Variants in ARFGEF1 observed in about 807,000 individuals in gnomAD.
ARFGEF1 encodes brefeldin A-inhibited guanine nucleotide-exchange protein 1.
In ARFGEF1, 42 loss-of-function variants were observed where a neutral mutation model predicts 231.0. The ratio of observed to expected loss-of-function variants is 0.18; its 90% CI spans 0.14 to 0.24. The LOEUF (loss-of-function observed/expected upper bound fraction) is 0.24, where lower values mean the gene tolerates loss of function less well. Among genes scored for constraint, ARFGEF1 ranks in the 10% least tolerant of loss-of-function variants. The pLI is 1.00. For missense variants in ARFGEF1, 1,345 were observed against 2,192.0 expected, an observed-to-expected ratio of 0.61 and a Z score of 7.72; for synonymous variants, 710 against 732.3, an observed-to-expected ratio of 0.97 and a Z score of 0.49.
chr8:67,276,235 C>G, intron 8 of ARFGEF1, 126 bp from the exon 9 acceptor site: 1 of 1,000,286 alleles, frequency 1.0e-6, no homozygotes, highest in Non-Finnish European at 1.5e-6. Flanking sequence ...GAAGGGGAAC[C>G]AGATGAGGGA....
At chr8:67,261,830 C>CT (rs34170422) in intron 14 of ARFGEF1, among the ~76,000 whole-genome samples, 8,734 of 117,934 alleles carry the variant, frequency 0.074, 513 homozygotes, top group African/African-American at 0.17. Context: ...AATTTCAAGT[C>CT]TTTTTTTTTT....
At chr8:67,241,415 A>T (rs1218410267) in intron 19 of ARFGEF1, among the ~76,000 whole-genome samples, 4 of 152,194 alleles carry the variant, frequency 2.6e-5, no homozygotes, top group Admixed American at 2.6e-4. Context: ...CAGTGTATCT[A>T]TTTGGAAGCC....
Position 67,343,460 on chromosome 8 carries a change from C to A in ARFGEF1, c.-173G>T. On this transcript the variant is annotated 5_prime_UTR_variant, in exon 1 of 39. Coordinates refer to ENST00000262215, the MANE Select transcript of ARFGEF1 (RefSeq NM_006421.5). ...AGGGGCGGGCGAGCGGGACCAGCCG[C>A]GGTGTCGGCGAAGGGCGTCGAGGTC... The A allele has an allele frequency of 7.4e-7, 1 of 1,342,914 alleles. No individual in the cohort carries two copies. 83.2% of individuals were successfully genotyped at this position (1,342,914 alleles called of 1,614,324 possible). A position where few individuals can be genotyped will look rare whatever the true frequency, so the allele number is the denominator to read the frequency against.
At chr8:67,317,348 A>G (rs1367672543) in intron 1 of ARFGEF1, among the ~76,000 whole-genome samples, 1 of 152,182 alleles carries the variant, frequency 6.6e-6, no homozygotes, top group Non-Finnish European at 1.5e-5. Context: ...CTCAAGCATT[A>G]GCTGGTATCT....
chr8:67,238,044 C>A (rs1461465383), intron 22 of ARFGEF1, among the ~76,000 whole-genome samples: 1 of 152,152 alleles, frequency 6.6e-6, no homozygotes, highest in South Asian at 2.1e-4. Context: ...CAACTATTAC[C>A]TGATACCAGC....
At chr8:67,276,503 C>A (rs1443194344) in intron 8 of ARFGEF1, among the ~76,000 whole-genome samples, 1 of 151,902 alleles carries the variant, frequency 6.6e-6, no homozygotes, top group African/African-American at 2.4e-5. Context: ...TTCTCTCACT[C>A]TGGGCAAATA....
chr8:67,265,897 G>T, intron 14 of ARFGEF1, 109 bp downstream of exon 14: 1 of 978,636 alleles, frequency 1.0e-6, no homozygotes, highest in Non-Finnish European at 1.5e-6. Flanking sequence ...AGATCCATGA[G>T]AACTATCCTC....
chr8:67,232,712 C>T (rs1203062422), intron 23 of ARFGEF1, 143 bp downstream of exon 23: 1 of 601,602 alleles, frequency 1.7e-6, no homozygotes, highest in African/African-American at 1.9e-5. Context: ...ACTTCATCAT[C>T]TAAATCACAG....
intron 33 of ARFGEF1, among the ~76,000 whole-genome samples, chr8:67,212,362 C>T (rs1430767457): frequency 1.3e-5 from 2 of 152,150 alleles, no homozygotes; most frequent in Non-Finnish European, 2.9e-5. Flanking sequence ...GGATTACAGG[C>T]GTGAGCCACC....
At chr8:67,284,071 A>G (rs897757767) in intron 7 of ARFGEF1, among the ~76,000 whole-genome samples, 2 of 152,238 alleles carry the variant, frequency 1.3e-5, no homozygotes, top group Non-Finnish European at 2.9e-5. Context: ...AAAACACTGG[A>G]AACAACGTAA....
At chr8:67,192,692 G>C (rs1202421894), downstream of ARFGEF1, among the ~76,000 whole-genome samples, 1 of 151,804 alleles carries the variant, frequency 6.6e-6, no homozygotes, top group Non-Finnish European at 1.5e-5. Flanking sequence ...TGCACAGGGT[G>C]TGAGGTGCAG....
chr8:67,278,168 C>T (rs1053690092), intron 7 of ARFGEF1, among the ~76,000 whole-genome samples: 2 of 152,074 alleles, frequency 1.3e-5, no homozygotes, highest in Non-Finnish European at 2.9e-5. Flanking sequence ...GAAACTCTTC[C>T]ATGCTACCAA....
At chr8:67,195,828 G>A (rs560368757), downstream of ARFGEF1, 12 of 476,010 alleles carry the variant, frequency 2.5e-5, no homozygotes, top group East Asian at 4.5e-4. Context: ...ATAAATTAGG[G>A]TGGTAATGAA....
chr8:67,292,851 C>G (rs1001633244), intron 5 of ARFGEF1, among the ~76,000 whole-genome samples: 2 of 151,980 alleles, frequency 1.3e-5, no homozygotes, highest in Non-Finnish European at 2.9e-5. Flanking sequence ...ATGAGTCTCA[C>G]AGAATTAATT....
At chr8:67,302,291 C>T (rs1289562760) in intron 2 of ARFGEF1, 145 bp downstream of exon 2, 1 of 421,598 alleles carries the variant, frequency 2.4e-6, no homozygotes, top group Non-Finnish European at 4.2e-6. Context: ...AATTGTATTT[C>T]TTAAAACCTA....
chr8:67,201,780 A>G (rs1314684296), intron 36 of ARFGEF1, 175 bp from the exon 37 acceptor site: 1 of 799,932 alleles, frequency 1.3e-6, no homozygotes, highest in Non-Finnish European at 1.9e-6. Context: ...TTCCCTCCCT[A>G]TTCAAGCTGG....
At chr8:67,231,917 A>G (rs889302458) in intron 23 of ARFGEF1, among the ~76,000 whole-genome samples, 1 of 151,920 alleles carries the variant, frequency 6.6e-6, no homozygotes, top group African/African-American at 2.4e-5. Flanking sequence ...GTATGAGATA[A>G]TCTTTCTTCA....
At chr8:67,243,331 T>C (rs1173973758) in intron 19 of ARFGEF1, among the ~76,000 whole-genome samples, 1 of 152,248 alleles carries the variant, frequency 6.6e-6, no homozygotes, top group Non-Finnish European at 1.5e-5. Context: ...CAGTTCCATG[T>C]GGCTGAGAGG....
At chr8:67,236,371 T>A (rs1231079640) in intron 22 of ARFGEF1, among the ~76,000 whole-genome samples, 1,126 of 24,888 alleles carry the variant, frequency 0.045, 59 homozygotes, top group Non-Finnish European at 0.05. Context: ...AAAAAATATA[T>A]ATATATATAT....
Sources: gnomAD v4.1 joint callset for allele counts (sites outside exome capture counted in the v4.1 genomes callset) on GRCh38, gnomAD v4.1.1 for gene constraint, MANE v1.5 for transcripts, NCBI Gene and HGNC (gene_info 2026-07-23, HGNC 2026-07-21) for gene names.